Variants in SLC27A2 observed in about 807,000 individuals in gnomAD.
The protein encoded by SLC27A2 is solute carrier family 27 member 2, also known as long-chain fatty acid transport protein 2.
In SLC27A2, 54 loss-of-function variants were observed where a neutral mutation model predicts 60.0. The observed-to-expected ratio is 0.90, with a 90% CI of 0.72 to 1.13. The LOEUF (loss-of-function observed/expected upper bound fraction) is 1.13. Ranked by LOEUF, SLC27A2 falls within the 50% of genes most tolerant of loss-of-function variation. The pLI, the probability that SLC27A2 is intolerant of heterozygous loss-of-function variation, is 0.00. For synonymous variants in SLC27A2, 297 were observed against 297.6 expected, an observed-to-expected ratio of 1.00 and a Z score of 0.02; for missense variants, 739 against 777.6, an observed-to-expected ratio of 0.95 and a Z score of 0.59.
Position 50,227,048 on chromosome 15 carries a change from G to T in SLC27A2, c.1327G>T (p.Ala443Ser). Residue 443 changes from alanine (A) to serine (S), a missense_variant, in exon 7 of 10, where the codon GCT becomes TCT. Coordinates refer to ENST00000267842, the MANE Select transcript of SLC27A2 (RefSeq NM_003645.4). ...ATTTAATGGCTATGCTGGAGCAAAG[G>T]CTCAGACAGAGAAGAAAAAACTGAG... ...TPFNGYAGAKAQTEKKKLRDV... is the reference protein window; with the variant it reads ...TPFNGYAGAKSQTEKKKLRDV... 1 of 1,614,168 alleles carries T rather than the reference G, an allele frequency of 6.2e-7. No individual in the cohort carries two copies. Among genetic ancestry groups the T allele is most frequent in the Non-Finnish European group, 8.5e-7 (1 of 1,180,018 alleles).
intron 4 of SLC27A2, among the ~76,000 whole-genome samples, chr15:50,211,229 T>C (rs1363856966): frequency 6.6e-6 from 1 of 152,178 alleles, no homozygotes; most frequent in African/African-American, 2.4e-5. Context: ...ATGGAGTCAT[T>C]GCATCCTCTG....
intron 1 of SLC27A2, among the ~76,000 whole-genome samples, chr15:50,196,046 T>C (rs2045013220): frequency 5.2e-5 from 2 of 38,482 alleles, no homozygotes; most frequent in Non-Finnish European, 1.1e-4. Context: ...AGAGCCAGAC[T>C]CTGTCTCAAA....
intron 8 of SLC27A2, among the ~76,000 whole-genome samples, chr15:50,231,299 G>A (rs566601952): frequency 1.3e-5 from 2 of 151,792 alleles, no homozygotes; most frequent in South Asian, 2.1e-4. Flanking sequence ...AGGCATGCAC[G>A]ACCAGGCCCG....
chr15:50,235,558 A>G (rs1276865177), intron 9 of SLC27A2, among the ~76,000 whole-genome samples: 1 of 152,216 alleles, frequency 6.6e-6, no homozygotes, highest in Non-Finnish European at 1.5e-5. Context: ...TGCAAACAGA[A>G]TGTATGGGTA....
intron 1 of SLC27A2, among the ~76,000 whole-genome samples, chr15:50,194,176 A>T (rs1377612641): frequency 2.0e-5 from 3 of 152,232 alleles, no homozygotes; most frequent in Admixed American, 6.5e-5. Context: ...GAACCCTATC[A>T]TACTGTGTAT....
rs1195228287 is a variant in SLC27A2 at position 50,223,093 on chromosome 15, C to T, written c.1101C>T (p.Gly367=). ...CIYEFYAATE[G]NIGFMNYARK... is the part of the protein sequence containing the mutation. ...ATGAGTTCTATGCTGCCACTGAAGGCAATATTGGATTTATGAATTATGCGA... is the reference window on the plus strand; with the variant it reads ...ATGAGTTCTATGCTGCCACTGAAGGTAATATTGGATTTATGAATTATGCGA... The change falls in exon 5 of 10, where the codon GGC becomes GGT. Residue 367 remains glycine (G), a synonymous_variant. Coordinates refer to ENST00000267842, the MANE Select transcript of SLC27A2 (RefSeq NM_003645.4). 1.2e-6 allele frequency: 2 copies of T among 1,613,636 alleles called. No individual in the cohort carries two copies. Among genetic ancestry groups the T allele is most frequent in the Admixed American group, 1.7e-5 (1 of 59,952 alleles).
At chr15:50,226,947 C>T (rs903292886) in intron 6 of SLC27A2, 33 bp from the exon 7 acceptor site, 12 of 1,577,722 alleles carry the variant, frequency 7.6e-6, no homozygotes, top group African/African-American at 6.8e-5. Context: ...TGACCTCTAG[C>T]ACATAAAATA....
At chr15:50,208,115 C>T (rs1299389785) in intron 4 of SLC27A2, among the ~76,000 whole-genome samples, 1 of 152,318 alleles carries the variant, frequency 6.6e-6, no homozygotes, top group East Asian at 1.9e-4. Flanking sequence ...GGGAGGCAAC[C>T]TCTGCCTTAG....
chr15:50,203,145 A>T (rs914224819), intron 3 of SLC27A2, among the ~76,000 whole-genome samples: 1 of 152,016 alleles, frequency 6.6e-6, no homozygotes, highest in Admixed American at 6.6e-5. Flanking sequence ...CTGTGATTGC[A>T]CCACTGCACT....
At chr15:50,229,690 A>C (rs959790905) in intron 8 of SLC27A2, among the ~76,000 whole-genome samples, 1 of 152,198 alleles carries the variant, frequency 6.6e-6, no homozygotes, top group Non-Finnish European at 1.5e-5. Context: ...ATTCATTTTA[A>C]TTACATCAAC....
intron 4 of SLC27A2, among the ~76,000 whole-genome samples, chr15:50,209,605 A>G (rs2045139133): frequency 6.6e-6 from 1 of 152,152 alleles, no homozygotes; most frequent in South Asian, 2.1e-4. Context: ...TGTGAACATG[A>G]CAAGCCATGA....
At chr15:50,226,332 T>C (rs956556764) in intron 6 of SLC27A2, among the ~76,000 whole-genome samples, 2 of 152,208 alleles carry the variant, frequency 1.3e-5, no homozygotes, top group Non-Finnish European at 2.9e-5. Context: ...GGATATGTAA[T>C]TGTGGTTGCA....
In SLC27A2 at chr15:50,199,478, A is replaced by T. The variant is rs112994417; in HGVS notation, c.688+1769A>T. Among the ~76,000 whole-genome samples, 1,381 of 50,082 alleles carry T rather than the reference A, an allele frequency of 0.028. 31 individuals carry two copies. In the East Asian group the frequency reaches 0.31, roughly 11 times the overall value. The allele number at this position is 50,082 out of a possible 152,430, so 32.9% of individuals were successfully genotyped here. On this transcript the variant is annotated intron_variant, in intron 2 of 9. Transcript: ENST00000267842. Reference sequence around the variant, plus strand: ...GGGCGACAGAGCGAGACTCTGTCTTAAAAAAAAAAAAAAAGAAAGAAAAAA... The same window carrying T: ...GGGCGACAGAGCGAGACTCTGTCTTTAAAAAAAAAAAAAAGAAAGAAAAAA...
At chr15:50,188,986 G>GATAA (rs1444690421) in intron 1 of SLC27A2, among the ~76,000 whole-genome samples, 60 of 99,510 alleles carry the variant, frequency 6.0e-4, no homozygotes, top group African/African-American at 2.3e-3. Flanking sequence ...TAGATAAATA[G>GATAA]ATAGATAGAT....
At chr15:50,229,292 A>G (rs996703766) in intron 8 of SLC27A2, among the ~76,000 whole-genome samples, 1 of 152,180 alleles carries the variant, frequency 6.6e-6, no homozygotes, top group East Asian at 1.9e-4. Flanking sequence ...AGTCTCAAAT[A>G]TGGGAGCTCC....
chr15:50,219,043 A>G (rs7162254), intron 4 of SLC27A2, among the ~76,000 whole-genome samples: 26,075 of 152,234 alleles, frequency 0.17, 2,373 homozygotes, highest in African/African-American at 0.22. Context: ...AAATTTGTTC[A>G]TAGTGTATTA....
intron 8 of SLC27A2, among the ~76,000 whole-genome samples, chr15:50,232,221 G>T (rs1232621302): frequency 6.6e-6 from 1 of 152,166 alleles, no homozygotes; most frequent in African/African-American, 2.4e-5. Flanking sequence ...CCAGGTTTGG[G>T]CCTGGAGAGG....
intron 1 of SLC27A2, among the ~76,000 whole-genome samples, chr15:50,186,344 G>A (rs932212357): frequency 4.6e-5 from 7 of 152,158 alleles, no homozygotes; most frequent in East Asian, 1.9e-4. Flanking sequence ...AAACCCCACC[G>A]CCAACCCTAG....
chr15:50,227,741 G>C (rs769173908), intron 7 of SLC27A2, among the ~76,000 whole-genome samples: 5 of 152,208 alleles, frequency 3.3e-5, no homozygotes, highest in African/African-American at 7.2e-5. Flanking sequence ...CTTCCTTCCT[G>C]TGTAAACTCC....
Sources: gnomAD v4.1 joint callset for allele counts (sites outside exome capture counted in the v4.1 genomes callset) on GRCh38, gnomAD v4.1.1 for gene constraint, MANE v1.5 for transcripts, NCBI Gene and HGNC (gene_info 2026-07-23, HGNC 2026-07-21) for gene names.